GREB1L: variants seen among roughly 807,000 people sequenced by gnomAD.
GREB1L encodes GREB1 like retinoic acid receptor coactivator, also known as GREB1-like protein.
Under a neutral mutation model 200.8 loss-of-function variants are expected in GREB1L, and 17 were observed. The ratio of observed to expected loss-of-function variants is 0.08; its 90% CI spans 0.06 to 0.13. The LOEUF (loss-of-function observed/expected upper bound fraction) is 0.13. Ranked by LOEUF, GREB1L falls within the 10% of genes least tolerant of loss-of-function variation. The pLI is 1.00. For missense variants in GREB1L, 1,657 were observed against 2,367.7 expected, an observed-to-expected ratio of 0.70 and a Z score of 6.23; for synonymous variants, 789 against 893.0, an observed-to-expected ratio of 0.88 and a Z score of 2.08.
At chr18:21,487,878 G>A (rs899110033) in intron 18 of GREB1L, among the ~76,000 whole-genome samples, 7 of 151,968 alleles carry the variant, frequency 4.6e-5, no homozygotes, top group Middle Eastern at 3.4e-3. Context: ...AGGCGTGGTG[G>A]CGGGCACCTG....
intron 15 of GREB1L, among the ~76,000 whole-genome samples, chr18:21,464,970 T>C (rs1476576239): frequency 6.6e-6 from 1 of 152,188 alleles, no homozygotes; most frequent in Non-Finnish European, 1.5e-5. Flanking sequence ...AGTATAATAA[T>C]TCATTTATTT....
At chr18:21,382,242 G>A (rs1030851985) in intron 2 of GREB1L, among the ~76,000 whole-genome samples, 4 of 152,006 alleles carry the variant, frequency 2.6e-5, no homozygotes, top group African/African-American at 9.7e-5. Flanking sequence ...CTACTTGGGA[G>A]GCTGAGGAGA....
At chr18:21,245,722 GT>G (rs2037586531) in intron 1 of GREB1L, among the ~76,000 whole-genome samples, 1 of 151,870 alleles carries the variant, frequency 6.6e-6, no homozygotes, top group African/African-American at 2.4e-5. Context: ...GTTTTGTTTT[GT>G]TTTGTTTTGT....
At chr18:21,404,125 TAG>T (rs1336813799) in intron 7 of GREB1L, 131 bp downstream of exon 7, 1 of 822,066 alleles carries the variant, frequency 1.2e-6, no homozygotes, top group African/African-American at 1.7e-5. Flanking sequence ...GAGTTACTAT[TAG>T]AGTTAGAATT....
chr18:21,347,646 G>A (rs554773118), intron 1 of GREB1L, among the ~76,000 whole-genome samples: 8 of 151,126 alleles, frequency 5.3e-5, no homozygotes, highest in South Asian at 2.1e-4. Context: ...TAGTAGAGAC[G>A]GGGTTTTGCC....
chr18:21,320,222 G>A (rs1033416867), intron 1 of GREB1L, among the ~76,000 whole-genome samples: 1 of 152,056 alleles, frequency 6.6e-6, no homozygotes, highest in Admixed American at 6.6e-5. Context: ...ACCAGAAAAA[G>A]GGAGAAAATT....
chr18:21,482,652 T>TTTC (rs1460612403), intron 17 of GREB1L, among the ~76,000 whole-genome samples: 1 of 149,554 alleles, frequency 6.7e-6, no homozygotes, highest in East Asian at 2.0e-4. Context: ...ATTTTTTTTT[T>TTTC]TTTTTTTTTT....
At chr18:21,482,733 A>G (rs2145783967) in intron 17 of GREB1L, among the ~76,000 whole-genome samples, 1 of 149,858 alleles carries the variant, frequency 6.7e-6, no homozygotes, top group South Asian at 2.1e-4. Context: ...AGAACTGCCA[A>G]GAGGGTAGTG....
chr18:21,495,884 G>A, intron 20 of GREB1L, 99 bp downstream of exon 20: 1 of 647,618 alleles, frequency 1.5e-6, no homozygotes, highest in Non-Finnish European at 2.7e-6. Flanking sequence ...TGTTTGGCAG[G>A]TAATGAGAAG....
intron 13 of GREB1L, chr18:21,451,455 T>G: frequency 5.7e-6 from 1 of 174,598 alleles, no homozygotes; most frequent in Non-Finnish European, 1.2e-5. Flanking sequence ...CCTCCTTCCC[T>G]CCCTTCCTTC....
At chr18:21,440,153 G>A in intron 8 of GREB1L, 116 bp from the exon 9 acceptor site, 1 of 1,081,840 alleles carries the variant, frequency 9.2e-7, no homozygotes, top group Non-Finnish European at 1.3e-6. Flanking sequence ...TAGACTTTCT[G>A]AGTATAATCA....
intron 4 of GREB1L, among the ~76,000 whole-genome samples, chr18:21,393,820 C>T (rs563376744): frequency 6.6e-5 from 10 of 152,226 alleles, no homozygotes; most frequent in African/African-American, 1.2e-4. Context: ...CCTCGGCCTC[C>T]GAAAGTGCTG....
At chr18:21,276,949 T>A (rs1464743006) in intron 1 of GREB1L, among the ~76,000 whole-genome samples, 3 of 125,196 alleles carry the variant, frequency 2.4e-5, no homozygotes, top group Non-Finnish European at 4.6e-5. Flanking sequence ...TTTTTTTTTT[T>A]ACGGAATCTT....
At chr18:21,290,845 AGAT>A (rs1284722329) in intron 1 of GREB1L, among the ~76,000 whole-genome samples, 2 of 150,874 alleles carry the variant, frequency 1.3e-5, no homozygotes, top group African/African-American at 4.9e-5. Context: ...AAAAAAAAAA[AGAT>A]AGACCATCTC....
At chr18:21,385,992 C>T (rs1290549937) in intron 4 of GREB1L, among the ~76,000 whole-genome samples, 2 of 152,092 alleles carry the variant, frequency 1.3e-5, no homozygotes, top group African/African-American at 4.8e-5. Flanking sequence ...GTATAATAAA[C>T]TTAGTGATCT....
At chr18:21,413,027 G>A (rs1013841789) in intron 7 of GREB1L, among the ~76,000 whole-genome samples, 1 of 152,138 alleles carries the variant, frequency 6.6e-6, no homozygotes, top group Admixed American at 6.5e-5. Flanking sequence ...TCTCATAGCT[G>A]ACTTTACTGT....
chr18:21,489,947 C>T lies in GREB1L; in HGVS notation c.2691-65C>T, dbSNP rs567457066. 8.4e-6 allele frequency: 10 copies of T among 1,192,896 alleles called. No homozygotes were observed. In the African/African-American group the frequency reaches 1.4e-4, roughly 16 times the overall value. The allele number at this position is 1,192,896 out of a possible 1,614,324, so 73.9% of individuals were successfully genotyped here. A position where few individuals can be genotyped will look rare whatever the true frequency, so the allele number is the denominator to read the frequency against. On this transcript the variant is annotated intron_variant, in intron 18 of 32. Transcript: ENST00000424526. ...CCATGCTTAATCTGCATTCTTACTG[C>T]ACAGGCCTTGCTGCTCCCAGCTGGC...
At chr18:21,333,075 T>C (rs1257448439) in intron 1 of GREB1L, among the ~76,000 whole-genome samples, 1 of 151,944 alleles carries the variant, frequency 6.6e-6, no homozygotes, top group East Asian at 2.0e-4. Context: ...ACAGAGACCC[T>C]ATGTTAATAC....
chr18:21,352,909 C>T (rs2039453712), intron 1 of GREB1L, among the ~76,000 whole-genome samples: 3 of 151,692 alleles, frequency 2.0e-5, no homozygotes, highest in South Asian at 2.1e-4. Context: ...AGTCTGAGCA[C>T]GATGGCTCAC....
Sources: allele counts gnomAD v4.1 joint callset (sites outside exome capture counted in the v4.1 genomes callset), GRCh38; gene constraint gnomAD v4.1.1; transcripts MANE v1.5; gene names NCBI Gene and HGNC (gene_info 2026-07-23, HGNC 2026-07-21).